The following DCAF6 variants were observed in gnomAD, a reference collection of about 807,000 sequenced individuals.
The protein encoded by DCAF6 is DDB1- and CUL4-associated factor 6.
DCAF6 carries 54 observed loss-of-function variants against 125.1 expected under a neutral mutation model. The observed-to-expected ratio is 0.43, with a 90% CI of 0.35 to 0.54. DCAF6 has a LOEUF of 0.54. DCAF6 is among the 20% of genes least tolerant of loss of function. The probability of loss-of-function intolerance (pLI) is 0.01; values close to 1 mark genes in which losing one functional copy is unlikely to be tolerated. For synonymous variants in DCAF6, 371 were observed against 390.4 expected (o/e 0.95, Z 0.58); for missense variants, 934 against 1,161.7 (o/e 0.80, Z 2.85).
the DCAF6 span, chr1:167,880,312 G>C: frequency 9.6e-7 from 1 of 1,041,212 alleles, no homozygotes; most frequent in South Asian, 1.3e-5. Context: ...TTCTCTACCC[G>C]TTGGAATTAG....
At chr1:167,940,438 A>T (rs911566637) in intron 1 of DCAF6, among the ~76,000 whole-genome samples, 1 of 150,032 alleles carries the variant, frequency 6.7e-6, no homozygotes, top group Non-Finnish European at 1.5e-5. Context: ...GTGCAGTGGC[A>T]CCCTCATGGC....
intron 19 of DCAF6, 43 bp from the exon 20 acceptor site, chr1:168,066,334 C>G (rs1338636976): frequency 7.6e-7 from 1 of 1,320,982 alleles, no homozygotes; most frequent in East Asian, 2.5e-5. Flanking sequence ...TCCTGAATTG[C>G]ATGTTTCTAG....
the DCAF6 span, chr1:167,920,665 C>A: frequency 1.3e-6 from 2 of 1,588,744 alleles, no homozygotes; most frequent in Middle Eastern, 1.7e-4. Flanking sequence ...AAAAAAGTAT[C>A]ACAAATGTGG....
chr1:167,976,886 G>GTTTTTTTTTTTTTTTTTTTT, intron 4 of DCAF6, among the ~76,000 whole-genome samples: 1 of 38,010 alleles, frequency 2.6e-5, no homozygotes, highest in Non-Finnish European at 5.2e-5. Context: ...TCCTTTAGCA[G>GTTTTTTTTTTTTTTTTTTTT]TTTTTTTTTT....
chr1:168,014,250 A>C (rs1684666492), intron 10 of DCAF6, among the ~76,000 whole-genome samples: 1 of 152,140 alleles, frequency 6.6e-6, no homozygotes. Flanking sequence ...ATCATACAAA[A>C]TCCAGTGATT....
chr1:168,058,767 C>T (rs1320722386), intron 17 of DCAF6, among the ~76,000 whole-genome samples: 3 of 152,124 alleles, frequency 2.0e-5, no homozygotes, highest in African/African-American at 7.2e-5. Flanking sequence ...TGGGGTTTCA[C>T]CATGTTAGTC....
chr1:168,047,497 C>T (rs753677046), intron 16 of DCAF6, among the ~76,000 whole-genome samples: 1 of 152,050 alleles, frequency 6.6e-6, no homozygotes, highest in Non-Finnish European at 1.5e-5. Flanking sequence ...TCTGTACACT[C>T]ATTTGAGTAT....
Position 167,946,851 on chromosome 1 carries a change from CCTT to C in DCAF6, c.98-4945_98-4943del, listed in dbSNP as rs1673162448. Reference sequence around the variant, plus strand: ...TTATTCTGTATCCTTTGTTTTGTGTCCTTCTTTGGTTTTGTTATCAGGGCGATA... The same window carrying C: ...TTATTCTGTATCCTTTGTTTTGTGTCCTTTGGTTTTGTTATCAGGGCGATA... On this transcript the variant is annotated intron_variant, in intron 1 of 21. Transcript: ENST00000367840. 4.6e-5 allele frequency among the ~76,000 whole-genome samples: 7 copies of C among 152,068 alleles called. No homozygotes were observed. The South Asian group carries it at 1.5e-3, about 32-fold the overall frequency.
At chr1:167,981,916 A>G (rs1052657191) in intron 4 of DCAF6, among the ~76,000 whole-genome samples, 3 of 152,224 alleles carry the variant, frequency 2.0e-5, no homozygotes, top group Non-Finnish European at 2.9e-5. Flanking sequence ...GCTGGGTTGA[A>G]TGGTCATTCT....
At chr1:167,883,100 C>T in the DCAF6 span, among the ~76,000 whole-genome samples, 1 of 152,220 alleles carries the variant, frequency 6.6e-6, no homozygotes, top group Non-Finnish European at 1.5e-5. Flanking sequence ...CGCAGTGGTG[C>T]GATCTCGGCT....
At chr1:167,896,636 C>A in the DCAF6 span, 3 of 1,613,774 alleles carry the variant, frequency 1.9e-6, no homozygotes, top group South Asian at 3.3e-5. Context: ...GAAGGTCGTA[C>A]ACTTTGTGAA....
intron 4 of DCAF6, among the ~76,000 whole-genome samples, chr1:167,977,575 G>A (rs546531664): frequency 6.6e-6 from 1 of 151,910 alleles, no homozygotes; most frequent in Admixed American, 6.6e-5. Flanking sequence ...GATGTGCATT[G>A]TTTTTTATTT....
intron 3 of DCAF6, chr1:167,968,340 A>T (rs572408677): frequency 1.6e-4 from 25 of 151,964 alleles, no homozygotes; most frequent in African/African-American, 5.6e-4. Flanking sequence ...ACCACTGAAA[A>T]GAAGAGACCC....
At chr1:167,919,955 T>A in the DCAF6 span, 2 of 1,564,176 alleles carry the variant, frequency 1.3e-6, no homozygotes, top group Non-Finnish European at 1.7e-6. Context: ...GCAACAGTTT[T>A]AAAAATATCT....
chr1:167,925,452 T>TACAG, the DCAF6 span, among the ~76,000 whole-genome samples: 1 of 112,590 alleles, frequency 8.9e-6, no homozygotes, highest in African/African-American at 3.7e-5. Context: ...CATATATATA[T>TACAG]ATATATATAT....
chr1:167,888,344 T>C, the DCAF6 span, among the ~76,000 whole-genome samples: 2 of 152,214 alleles, frequency 1.3e-5, no homozygotes, highest in Admixed American at 6.5e-5. Context: ...AGGTATTGCA[T>C]TGAATCTGTA....
At chr1:167,920,448 G>A in the DCAF6 span, 1 of 1,173,802 alleles carries the variant, frequency 8.5e-7, no homozygotes, top group Middle Eastern at 1.9e-4. Flanking sequence ...TTGTGTGTGG[G>A]TGTATTTCAA....
At chr1:167,979,898 A>G (rs2102931272) in intron 4 of DCAF6, among the ~76,000 whole-genome samples, 1 of 150,160 alleles carries the variant, frequency 6.7e-6, no homozygotes, top group East Asian at 2.0e-4. Flanking sequence ...AAATAAATAA[A>G]CAGGCTGGGC....
chr1:167,883,740 G>A, the DCAF6 span: 2 of 951,798 alleles, frequency 2.1e-6, no homozygotes, highest in East Asian at 2.5e-5. Context: ...CTCAGAATGG[G>A]TGAGGTACAA....
Sources: gnomAD v4.1 joint callset for allele counts (sites outside exome capture counted in the v4.1 genomes callset) on GRCh38, gnomAD v4.1.1 for gene constraint, MANE v1.5 for transcripts, NCBI Gene and HGNC (gene_info 2026-07-23, HGNC 2026-07-21) for gene names.